Variants in STIM2 observed in about 807,000 individuals in gnomAD.
The protein encoded by STIM2 is stromal interaction molecule 2.
STIM2 carries 31 observed loss-of-function variants against 85.8 expected under a neutral mutation model. The ratio of observed to expected loss-of-function variants is 0.36; its 90% CI spans 0.27 to 0.49. The LOEUF (loss-of-function observed/expected upper bound fraction) is 0.49. Among genes scored for constraint, STIM2 ranks in the 20% least tolerant of loss-of-function variants. The pLI, the probability that STIM2 is intolerant of heterozygous loss-of-function variation, is 0.98. For missense variants in STIM2, 841 were observed against 927.6 expected, an observed-to-expected ratio of 0.91 and a Z score of 1.21; for synonymous variants, 356 against 331.1, an observed-to-expected ratio of 1.08 and a Z score of -0.82.
Position 26,860,945 on chromosome 4 carries a change from ATAAC to A in STIM2, c.-273_-270del. ...CCACCTTTTTTTTTTTTTTTTTTAA[ATAAC>A]CGGAACCAATGAACGCAGCCGGGAT... On this transcript the variant is annotated 5_prime_UTR_variant, in exon 1 of 12. Coordinates refer to ENST00000467087, the MANE Select transcript of STIM2 (RefSeq NM_020860.4). 8.4e-7 allele frequency: 1 copy of A among 1,185,438 alleles called. No homozygotes were observed. The highest frequency in any genetic ancestry group is 4.0e-5 in the Admixed American group (1 of 24,702). 73.4% of individuals were successfully genotyped at this position (1,185,438 alleles called of 1,614,324 possible).
At position 26,861,291 on chromosome 4, in the gene STIM2, C is replaced by T; in HGVS notation, c.73C>T (p.Arg25Trp). The change falls in exon 1 of 12, where the codon CGG becomes TGG. Residue 25 changes from arginine (R) to tryptophan (W), a missense_variant. Physicochemically the swap from Arg to Trp is moderately radical, Grantham distance 101. Around this residue, in one of 3 missense-constraint regions of STIM2, gnomAD observed 140 missense variants for 117.7 expected, o/e 1.19. Transcript: ENST00000467087. ...GCTTGTGCCCCGGCACCTCCGCGGG[C>T]GGCGGGCGACTGGCTCTGCCGCAAC... 9.0e-6 allele frequency: 13 copies of T among 1,449,642 alleles called. No individual in the cohort carries two copies. Among genetic ancestry groups the T allele is most frequent in the African/African-American group, 1.5e-5 (1 of 67,978 alleles). 89.8% of individuals were successfully genotyped at this position (1,449,642 alleles called of 1,614,324 possible).
chr4:26,878,963 A>G (rs2109034549), intron 1 of STIM2, among the ~76,000 whole-genome samples: 1 of 152,260 alleles, frequency 6.6e-6, no homozygotes, highest in African/African-American at 2.4e-5. Context: ...CCCCCCACAC[A>G]TGAGGATTAC....
chr4:26,890,740 C>A (rs993593158), intron 1 of STIM2, among the ~76,000 whole-genome samples: 2 of 148,062 alleles, frequency 1.4e-5, no homozygotes, highest in Non-Finnish European at 3.0e-5. Context: ...AGGAGAATGG[C>A]GTGAACCCGG....
intron 1 of STIM2, among the ~76,000 whole-genome samples, chr4:26,869,690 A>G (rs1237695567): frequency 6.6e-6 from 1 of 151,916 alleles, no homozygotes; most frequent in Non-Finnish European, 1.5e-5. Flanking sequence ...ATTAAAAAAA[A>G]CTTTTTAAAA....
At chr4:27,001,126 T>G (rs1021526000) in intron 5 of STIM2, among the ~76,000 whole-genome samples, 1 of 152,210 alleles carries the variant, frequency 6.6e-6, no homozygotes, top group African/African-American at 2.4e-5. Flanking sequence ...CTTGTCAGCC[T>G]AGGAACTTCT....
intron 2 of STIM2, among the ~76,000 whole-genome samples, chr4:26,929,755 G>T (rs1429733139): frequency 6.6e-6 from 1 of 151,860 alleles, no homozygotes; most frequent in East Asian, 1.9e-4. Context: ...TCAAATAGTT[G>T]CTTGGAATAG....
chr4:26,980,575 T>C (rs1727345708), intron 3 of STIM2, among the ~76,000 whole-genome samples: 1 of 152,096 alleles, frequency 6.6e-6, no homozygotes, highest in Non-Finnish European at 1.5e-5. Flanking sequence ...AATTATTGAA[T>C]AGGCAATTAG....
At chr4:26,947,200 G>T (rs1725865672) in intron 2 of STIM2, among the ~76,000 whole-genome samples, 1 of 152,080 alleles carries the variant, frequency 6.6e-6, no homozygotes, top group African/African-American at 2.4e-5. Context: ...AGGTTGGAGG[G>T]ATGCTGTTCT....
chr4:26,884,077 C>G (rs1385967697), intron 1 of STIM2, among the ~76,000 whole-genome samples: 1 of 152,100 alleles, frequency 6.6e-6, no homozygotes, highest in Non-Finnish European at 1.5e-5. Context: ...CCTTATATTT[C>G]TCTGGAAAAG....
intron 11 of STIM2, chr4:27,021,087 C>T: frequency 6.5e-7 from 1 of 1,530,794 alleles, no homozygotes; most frequent in Non-Finnish European, 8.8e-7. Context: ...GATGTGATCC[C>T]TGTTCTTTAA....
At chr4:26,871,581 G>C (rs192642982) in intron 1 of STIM2, among the ~76,000 whole-genome samples, 2 of 152,136 alleles carry the variant, frequency 1.3e-5, no homozygotes, top group East Asian at 3.9e-4. Context: ...CGGCTTTTCA[G>C]TAAGTGCGTA....
intron 2 of STIM2, among the ~76,000 whole-genome samples, chr4:26,932,421 GATTTT>G (rs1725237571): frequency 1.3e-5 from 2 of 152,142 alleles, no homozygotes; most frequent in Non-Finnish European, 2.9e-5. Context: ...ACACCACACA[GATTTT>G]TCAGTGACTT....
At chr4:26,966,125 G>A (rs1271018539) in intron 3 of STIM2, among the ~76,000 whole-genome samples, 1 of 152,116 alleles carries the variant, frequency 6.6e-6, no homozygotes, top group Non-Finnish European at 1.5e-5. Flanking sequence ...TTGGAGTACA[G>A]TAAAAGAACC....
chr4:27,008,311 A>G (rs1728439362), intron 8 of STIM2, 117 bp from the exon 9 acceptor site: 1 of 568,430 alleles, frequency 1.8e-6, no homozygotes, highest in Non-Finnish European at 3.0e-6. Flanking sequence ...GTAATTCTCT[A>G]CTGGTTTTAT....
At chr4:26,934,124 G>A (rs1725310574) in intron 2 of STIM2, among the ~76,000 whole-genome samples, 4 of 152,106 alleles carry the variant, frequency 2.6e-5, no homozygotes, top group Admixed American at 2.6e-4. Context: ...AACCCAGGAG[G>A]CGGAGTTTGC....
intron 1 of STIM2, among the ~76,000 whole-genome samples, chr4:26,863,165 C>G (rs1012947808): frequency 6.6e-6 from 1 of 151,888 alleles, no homozygotes; most frequent in Non-Finnish European, 1.5e-5. Context: ...TTTCTCTATA[C>G]TTATTTAAGG....
intron 5 of STIM2, among the ~76,000 whole-genome samples, chr4:26,999,791 A>C (rs571646396): frequency 6.6e-6 from 1 of 152,300 alleles, no homozygotes; most frequent in South Asian, 2.1e-4. Flanking sequence ...GAAAGCAAAG[A>C]CTCACTTGAA....
chr4:27,008,231 G>A (rs1001748936), intron 8 of STIM2, among the ~76,000 whole-genome samples, 197 bp from the exon 9 acceptor site: 15 of 152,106 alleles, frequency 9.9e-5, no homozygotes, highest in Non-Finnish European at 1.6e-4. Context: ...GAATTACATC[G>A]ATTGGCTTAG....
intron 3 of STIM2, among the ~76,000 whole-genome samples, chr4:26,975,110 A>C (rs186972576): frequency 3.3e-5 from 5 of 152,232 alleles, no homozygotes; most frequent in African/African-American, 1.2e-4. Flanking sequence ...GGTCTTCCCT[A>C]CACTGTTTAT....
Sources: gnomAD v4.1 joint callset for allele counts (sites outside exome capture counted in the v4.1 genomes callset) on GRCh38, gnomAD v4.1.1 for gene constraint, gnomAD v4.1.1 regional missense constraint, MANE v1.5 for transcripts, NCBI Gene and HGNC (gene_info 2026-07-23, HGNC 2026-07-21) for gene names.